The following SI variants were observed in gnomAD, a reference collection of about 807,000 sequenced individuals.
SI encodes sucrase-isomaltase, intestinal.
In SI, 235 loss-of-function variants were observed where a neutral mutation model predicts 253.3. The ratio of observed to expected loss-of-function variants is 0.93; its 90% CI spans 0.83 to 1.03. The LOEUF is 1.03. SI is among the 50% of genes least tolerant of loss of function. The pLI is 0.00. For synonymous variants in SI, 819 were observed against 712.0 expected, an observed-to-expected ratio of 1.15 and a Z score of -2.39; for missense variants, 2,442 against 2,211.1, an observed-to-expected ratio of 1.10 and a Z score of -2.09.
intron 27 of SI, among the ~76,000 whole-genome samples, chr3:165,020,793 T>C (rs946375946): frequency 2.0e-5 from 3 of 151,698 alleles, no homozygotes; most frequent in Non-Finnish European, 4.4e-5. Context: ...TAGACTTACA[T>C]GTTGTAACTT....
At chr3:165,012,422 C>T (rs898189042) in intron 34 of SI, among the ~76,000 whole-genome samples, 1 of 151,636 alleles carries the variant, frequency 6.6e-6, no homozygotes, top group South Asian at 2.1e-4. Flanking sequence ...AATTTTTTGT[C>T]GTTGTTGTTT....
chr3:165,049,393 C>T (rs1713314908), intron 14 of SI, 149 bp from the exon 15 acceptor site: 1 of 620,566 alleles, frequency 1.6e-6, no homozygotes. Flanking sequence ...CCAATTAAAC[C>T]TAAAATAAGT....
intron 37 of SI, among the ~76,000 whole-genome samples, chr3:164,999,658 A>G (rs547360317): frequency 3.0e-4 from 46 of 151,618 alleles, no homozygotes; most frequent in Non-Finnish European, 4.3e-4. Context: ...AGCTCCTTCC[A>G]TGACACCTTG....
intron 44 of SI, among the ~76,000 whole-genome samples, chr3:164,989,389 G>GAAGAAAGA (rs1184335609): frequency 0.016 from 938 of 59,420 alleles, 19 homozygotes; most frequent in Admixed American, 0.042. Context: ...AGAAAGAAAG[G>GAAGAAAGA]AAGAAAGAAA....
intron 46 of SI, among the ~76,000 whole-genome samples, chr3:164,982,681 G>GA (rs1475305889): frequency 6.6e-6 from 1 of 152,086 alleles, no homozygotes; most frequent in East Asian, 1.9e-4. Context: ...AAGAGAAGGG[G>GA]AGGTGAATCC....
chr3:165,025,314 G>A (rs1445401693), intron 25 of SI, among the ~76,000 whole-genome samples: 2 of 151,090 alleles, frequency 1.3e-5, no homozygotes, highest in Non-Finnish European at 3.0e-5. Flanking sequence ...AAAAGAAGAA[G>A]ACAATATGAA....
intron 22 of SI, among the ~76,000 whole-genome samples, chr3:165,035,829 A>G: frequency 6.6e-6 from 1 of 151,662 alleles, no homozygotes; most frequent in East Asian, 1.9e-4. Context: ...TTACTATGGC[A>G]TAATTAGAAA....
intron 3 of SI, among the ~76,000 whole-genome samples, chr3:165,071,975 A>G (rs1714606656): frequency 6.6e-6 from 1 of 152,220 alleles, no homozygotes; most frequent in Admixed American, 6.6e-5. Flanking sequence ...TACCTAGGTA[A>G]CCATTTGATT....
chr3:165,021,249 C>G lies in SI; in HGVS notation c.3234G>C (p.Arg1078=), dbSNP rs56082035. ...CTTACATGACTCTTCCACTGCTTCTCCGTCGAATCTGGATGCCAAAAGGAT... is the reference window on the plus strand; with the variant it reads ...CTTACATGACTCTTCCACTGCTTCTGCGTCGAATCTGGATGCCAAAAGGAT... ...KENPFGIQIR[R]RSSGRVIWDS... is the part of the protein sequence containing the mutation. The change falls in exon 27 of 48, where the codon CGG becomes CGC. Residue 1078 remains arginine (R), a synonymous_variant. Transcript: ENST00000264382. 1.9e-6 allele frequency: 3 copies of G among 1,610,896 alleles called. No individual in the cohort carries two copies. The highest frequency in any genetic ancestry group is 2.5e-6 in the Non-Finnish European group (3 of 1,177,864).
chr3:165,055,097 T>A (rs1370136226), intron 13 of SI, 97 bp downstream of exon 13: 1 of 751,954 alleles, frequency 1.3e-6, no homozygotes, highest in African/African-American at 1.7e-5. Context: ...TTACATTGAA[T>A]ACATCAGAAA....
At chr3:165,059,423 CT>C (rs1197073623) in intron 10 of SI, 124 bp from the exon 11 acceptor site, 2 of 949,496 alleles carry the variant, frequency 2.1e-6, no homozygotes, top group Non-Finnish European at 3.3e-6. Flanking sequence ...AACGTCCATC[CT>C]TTTCATTTCA....
Position 165,017,962 on chromosome 3 carries a change from T to TG in SI, c.3520+7dup. On this transcript the variant is annotated splice_region_variant and intron_variant, in intron 29 of 47. Coordinates refer to ENST00000264382, the MANE Select transcript of SI (RefSeq NM_001041.4). ...AAATAAGAGACATTCAACAAATGAT[T>TG]GTTTTACCCATTGCATTGCTGTTGA... 1 of 1,600,052 alleles carries TG rather than the reference T, an allele frequency of 6.2e-7. No individual in the cohort carries two copies. Among genetic ancestry groups the TG allele is most frequent in the African/African-American group, 1.3e-5 (1 of 74,684 alleles).
chr3:164,994,358 C>T lies in SI; in HGVS notation c.4740G>A (p.Arg1580=). The change falls in exon 41 of 48, where the codon AGG becomes AGA. Residue 1580 remains arginine (R), a synonymous_variant. Transcript: ENST00000264382. ...SWNETFAEMS[R]NILNIRYTLL... is the part of the protein sequence containing the mutation. ...AGGTGTATCTAATATTTAGAATATTCCTTGACATTTCAGCAAAAGTTTCAT... is the reference window on the plus strand; with the variant it reads ...AGGTGTATCTAATATTTAGAATATTTCTTGACATTTCAGCAAAAGTTTCAT... 2.5e-6 allele frequency: 4 copies of T among 1,611,088 alleles called. No individual in the cohort carries two copies. Among genetic ancestry groups the T allele is most frequent in the Non-Finnish European group, 3.4e-6 (4 of 1,177,924 alleles).
At chr3:165,004,346 T>C (rs1718400342) in intron 37 of SI, among the ~76,000 whole-genome samples, 1 of 152,180 alleles carries the variant, frequency 6.6e-6, no homozygotes, top group Non-Finnish European at 1.5e-5. Context: ...CTTTCGCTGT[T>C]GGTAAGAATG....
Position 165,030,741 on chromosome 3 carries a change from A to G in SI, c.2863T>C (p.Cys955Arg). 1.9e-6 allele frequency: 3 copies of G among 1,609,252 alleles called. No homozygotes were observed. Among genetic ancestry groups the G allele is most frequent in the Admixed American group, 1.7e-5 (1 of 59,548 alleles). ...CTCCATACACAGCCACGTTGTGTGC[A>G]CTTTTGTTCAGTTGCCAAATCTGCA... ...PDADLATEQK[C>R]TQRGCVWRTG... Residue 955 changes from cysteine (C) to arginine (R), a missense_variant, in exon 25 of 48, where the codon TGC becomes CGC. Transcript: ENST00000264382.
chr3:165,089,936 G>T, the SI span, among the ~76,000 whole-genome samples: 1 of 152,080 alleles, frequency 6.6e-6, no homozygotes, highest in Non-Finnish European at 1.5e-5. Context: ...CAGAGACAAA[G>T]ACAGAGATTG....
intron 41 of SI, among the ~76,000 whole-genome samples, chr3:164,993,228 T>C (rs1717855743): frequency 6.6e-6 from 1 of 151,598 alleles, no homozygotes; most frequent in Admixed American, 6.6e-5. Flanking sequence ...TCCATTATCC[T>C]GGGAAGCAAA....
chr3:165,021,143 G>A lies in SI; in HGVS notation c.3254+86C>T, dbSNP rs917365482. On this transcript the variant is annotated intron_variant, in intron 27 of 47. Coordinates refer to ENST00000264382, the MANE Select transcript of SI (RefSeq NM_001041.4). ...ATTTTTTTGTGTGATGCTACTCTAG[G>A]ACAGTGAAGGCTGTTAATCATTTTA... is the stretch of plus-strand genomic sequence containing the variant. The A allele has an allele frequency of 6.8e-6, 8 of 1,183,876 alleles. No individual in the cohort carries two copies. In the African/African-American group the frequency reaches 9.1e-5, roughly 13 times the overall value. The allele number at this position is 1,183,876 out of a possible 1,614,324, so 73.3% of individuals were successfully genotyped here.
intron 22 of SI, among the ~76,000 whole-genome samples, chr3:165,035,995 T>C (rs1310727373): frequency 1.3e-5 from 2 of 151,864 alleles, no homozygotes; most frequent in East Asian, 3.9e-4. Context: ...ATTAAATAAC[T>C]AAATCTTTAA....
Sources: allele counts gnomAD v4.1 joint callset (sites outside exome capture counted in the v4.1 genomes callset), GRCh38; gene constraint gnomAD v4.1.1; transcripts MANE v1.5; gene names NCBI Gene and HGNC (gene_info 2026-07-23, HGNC 2026-07-21).